KIRREL3: variants seen among roughly 807,000 people sequenced by gnomAD.
KIRREL3 encodes the protein kirre like nephrin family adhesion molecule 3, also known as kin of IRRE-like protein 3.
KIRREL3 carries 36 observed loss-of-function variants against 89.7 expected under a neutral mutation model. The ratio of observed to expected loss-of-function variants is 0.40; its 90% CI spans 0.31 to 0.53. KIRREL3 has a LOEUF of 0.53. KIRREL3 is among the 20% of genes least tolerant of loss of function. KIRREL3 has a pLI of 0.49. For synonymous variants in KIRREL3, 445 were observed against 441.4 expected (o/e 1.01, Z -0.10); for missense variants, 864 against 1,056.6 (o/e 0.82, Z 2.53).
rs1360933029 is a variant in KIRREL3 at position 126,744,451 on chromosome 11, G to C, written c.56-181539C>G. ...GGCTGCTGGACTAGACGGGGACAAG[G>C]AAATGGAGAGGTGGCGCAGGTGCGA... On this transcript the variant is annotated intron_variant, in intron 1 of 16. Transcript: ENST00000525144. The surrounding 1 kb of genome is among the most constrained non-coding windows in gnomAD (Gnocchi z 4.7). Among the ~76,000 whole-genome samples, 1 of 152,204 alleles carries C rather than the reference G, an allele frequency of 6.6e-6. No homozygotes were observed. The highest frequency in any genetic ancestry group is 1.5e-5 in the Non-Finnish European group (1 of 68,036).
At chr11:126,514,244 T>C (rs574817624) in intron 4 of KIRREL3, among the ~76,000 whole-genome samples, 20 of 152,116 alleles carry the variant, frequency 1.3e-4, no homozygotes, top group Non-Finnish European at 2.8e-4. Context: ...GCTACCGCTA[T>C]TTGGGGGTGA....
chr11:126,426,730 C>T (rs560119380), intron 15 of KIRREL3, among the ~76,000 whole-genome samples: 10 of 152,256 alleles, frequency 6.6e-5, no homozygotes, highest in Admixed American at 5.2e-4. Flanking sequence ...CTCTCTGGGC[C>T]GGGATGTTTC....
In KIRREL3 at chr11:126,989,157, T is replaced by C. The variant is rs1949953082; in HGVS notation, c.55+11298A>G. On this transcript the variant is annotated intron_variant, in intron 1 of 16. Coordinates refer to ENST00000525144, the MANE Select transcript of KIRREL3 (RefSeq NM_032531.4). This position sits in a 1 kb window ranked among gnomAD's most constrained non-coding sequence, Gnocchi z 6.2. ...CTCTATGTTTCCTCTTCTACCCTTGTAGCATCAACTCTGCAGTTTGAAGTA... is the reference window on the plus strand; with the variant it reads ...CTCTATGTTTCCTCTTCTACCCTTGCAGCATCAACTCTGCAGTTTGAAGTA... Among the ~76,000 whole-genome samples the C allele has an allele frequency of 1.3e-5, 2 of 152,208 alleles. No homozygotes were observed. Among genetic ancestry groups the C allele is most frequent in the Non-Finnish European group, 2.9e-5 (2 of 68,028 alleles).
chr11:126,818,866 C>T (rs1951674389), intron 1 of KIRREL3, among the ~76,000 whole-genome samples: 1 of 152,084 alleles, frequency 6.6e-6, no homozygotes, highest in Non-Finnish European at 1.5e-5. Flanking sequence ...GAAATTTTTA[C>T]AGCTGTTTGA....
intron 1 of KIRREL3, among the ~76,000 whole-genome samples, chr11:126,979,810 T>G (rs2135242888): frequency 6.6e-6 from 1 of 152,334 alleles, no homozygotes; most frequent in East Asian, 1.9e-4. Context: ...AACCAGGTGC[T>G]CTTAGAGGGT....
At position 126,495,662 on chromosome 11, in the gene KIRREL3, C is replaced by T. The variant is rs547436652; in HGVS notation, c.434-22196G>A. Among the ~76,000 whole-genome samples the T allele has an allele frequency of 6.6e-6, 1 of 152,254 alleles. No homozygotes were observed. Among genetic ancestry groups the T allele is most frequent in the African/African-American group, 2.4e-5 (1 of 41,544 alleles). On this transcript the variant is annotated intron_variant, in intron 4 of 16. Transcript: ENST00000525144. This position sits in a 1 kb window ranked among gnomAD's most constrained non-coding sequence, Gnocchi z 6.5. ...CTGTGACACCAGGTATAAGCAGAAA[C>T]TTATGGTCACAGTCAGGACCATGGA... is the stretch of plus-strand genomic sequence containing the variant.
chr11:126,424,703 A>T lies in KIRREL3; in HGVS notation c.2214T>A (p.Asp738Glu). Residue 738 changes from aspartate to glutamate, a missense_variant, in exon 17 of 17, where the codon GAT becomes GAA. Coordinates refer to ENST00000525144, the MANE Select transcript of KIRREL3 (RefSeq NM_032531.4). ...DSSVSSSGKQ[D>E]GYVQFDKASK... Reference sequence around the variant, plus strand: ...TGGCCTTGTCGAACTGCACATAGCCATCCTGCTTGCCGCTGCTGCTGACGC... The same window carrying T: ...TGGCCTTGTCGAACTGCACATAGCCTTCCTGCTTGCCGCTGCTGCTGACGC... 6.2e-7 allele frequency: 1 copy of T among 1,613,996 alleles called. No homozygotes were observed. Among genetic ancestry groups the T allele is most frequent in the Non-Finnish European group, 8.5e-7 (1 of 1,179,882 alleles).
intron 1 of KIRREL3, among the ~76,000 whole-genome samples, chr11:126,718,934 A>T (rs4937180): frequency 6.6e-6 from 1 of 152,076 alleles, no homozygotes; most frequent in African/African-American, 2.4e-5. Flanking sequence ...GGGCGTTGAT[A>T]GAAACCTTTG....
At chr11:126,901,605 G>C (rs1406568201) in intron 1 of KIRREL3, among the ~76,000 whole-genome samples, 4 of 152,206 alleles carry the variant, frequency 2.6e-5, no homozygotes, top group Admixed American at 6.5e-5. Flanking sequence ...CCTCTTGGTG[G>C]TGCTGAAAGC....
intron 1 of KIRREL3, among the ~76,000 whole-genome samples, chr11:126,979,175 C>T (rs1380919953): frequency 6.6e-6 from 1 of 152,130 alleles, no homozygotes; most frequent in Non-Finnish European, 1.5e-5. Context: ...TGTCAATGCT[C>T]CACAGACCAC....
rs1951283389 is a variant in KIRREL3, at chr11:126,808,726, T to A, written c.55+191729A>T. Among the ~76,000 whole-genome samples the A allele has an allele frequency of 6.6e-6, 1 of 152,188 alleles. No individual in the cohort carries two copies. Among genetic ancestry groups the A allele is most frequent in the African/African-American group, 2.4e-5 (1 of 41,448 alleles). On this transcript the variant is annotated intron_variant, in intron 1 of 16. Coordinates refer to ENST00000525144, the MANE Select transcript of KIRREL3 (RefSeq NM_032531.4). The surrounding 1 kb of genome is among the most constrained non-coding windows in gnomAD (Gnocchi z 4.1). ...GCAAACGAAGAAAAACAACTTGCTT[T>A]CCAATTTCCACATGCATATATAGAA...
At chr11:126,794,606 T>C (rs1019801888) in intron 1 of KIRREL3, among the ~76,000 whole-genome samples, 1 of 152,204 alleles carries the variant, frequency 6.6e-6, no homozygotes, top group African/African-American at 2.4e-5. Flanking sequence ...GAAAGTTAAT[T>C]ACAACCAAAT....
chr11:126,871,291 G>A (rs556580385), intron 1 of KIRREL3, among the ~76,000 whole-genome samples: 5 of 152,244 alleles, frequency 3.3e-5, no homozygotes, highest in African/African-American at 1.2e-4. Flanking sequence ...GGGACATGCA[G>A]GACCACCTTT....
intron 1 of KIRREL3, among the ~76,000 whole-genome samples, chr11:126,968,948 T>G (rs1326027034): frequency 6.6e-6 from 1 of 152,178 alleles, no homozygotes; most frequent in Admixed American, 6.5e-5. Flanking sequence ...CTGGACAACC[T>G]CTGAGGTCCC....
chr11:126,819,563 G>A (rs114655712), intron 1 of KIRREL3, among the ~76,000 whole-genome samples: 33 of 152,358 alleles, frequency 2.2e-4, no homozygotes, highest in Non-Finnish European at 4.0e-4. Flanking sequence ...CCCCAATTAA[G>A]AGCACGTTGG....
At position 126,769,898 on chromosome 11, in the gene KIRREL3, C is replaced by G. The variant is rs1949965117; in HGVS notation, c.56-206986G>C. ...ATAAGATAAAGGTAATAACACATAC[C>G]CAGGGGGGTTGGCTTGGCGGAGTGT... On this transcript the variant is annotated intron_variant, in intron 1 of 16. Transcript: ENST00000525144. The surrounding 1 kb of genome is among the most constrained non-coding windows in gnomAD (Gnocchi z 4.3). Among the ~76,000 whole-genome samples the G allele has an allele frequency of 6.6e-6, 1 of 152,046 alleles. No homozygotes were observed. Among genetic ancestry groups the G allele is most frequent in the Admixed American group, 6.5e-5 (1 of 15,274 alleles).
At chr11:126,488,582 C>A (rs1957426906) in intron 4 of KIRREL3, among the ~76,000 whole-genome samples, 1 of 152,218 alleles carries the variant, frequency 6.6e-6, no homozygotes, top group East Asian at 1.9e-4. Context: ...AAGCTCAGAC[C>A]AAATGCATTT....
Position 126,677,734 on chromosome 11 carries a change from C to T in KIRREL3, c.56-114822G>A, listed in dbSNP as rs144016051. 6.3e-4 allele frequency among the ~76,000 whole-genome samples: 96 copies of T among 152,216 alleles called. No homozygotes were observed. Among genetic ancestry groups the T allele is most frequent in the African/African-American group, 2.2e-3 (90 of 41,550 alleles). On this transcript the variant is annotated intron_variant, in intron 1 of 16. Coordinates refer to ENST00000525144, the MANE Select transcript of KIRREL3 (RefSeq NM_032531.4). This position sits in a 1 kb window ranked among gnomAD's most constrained non-coding sequence, Gnocchi z 5.1. Reference sequence around the variant, plus strand: ...ATGAGTCCAGGGGAGCCCCCTGGACCAAAGCAGGACAGAGCTAATTCCAGG... The same window carrying T: ...ATGAGTCCAGGGGAGCCCCCTGGACTAAAGCAGGACAGAGCTAATTCCAGG...
At chr11:126,828,915 C>T (rs184087554) in intron 1 of KIRREL3, among the ~76,000 whole-genome samples, 63 of 152,136 alleles carry the variant, frequency 4.1e-4, no homozygotes, top group Non-Finnish European at 2.5e-4. Flanking sequence ...GGAGAGGGGA[C>T]AGTGAGATGG....
Sources: gnomAD v4.1 joint callset for allele counts (sites outside exome capture counted in the v4.1 genomes callset) on GRCh38, gnomAD v4.1.1 for gene constraint, Gnocchi (gnomAD v3.1) non-coding constraint, MANE v1.5 for transcripts, NCBI Gene and HGNC (gene_info 2026-07-23, HGNC 2026-07-21) for gene names.